Variants in SGCZ observed in about 807,000 individuals in gnomAD.
SGCZ encodes sarcoglycan zeta, also known as zeta-sarcoglycan.
A neutral mutation model predicts 41.3 loss-of-function variants in SGCZ; 40 were observed. That is an observed-to-expected ratio of 0.97 (90% CI 0.75 to 1.26). SGCZ has a LOEUF of 1.26. Ranked by LOEUF, SGCZ falls within the 50% of genes most tolerant of loss-of-function variation. SGCZ has a pLI of 0.00. For missense variants in SGCZ, 552 were observed against 369.8 expected (o/e 1.49, Z -4.04); for synonymous variants, 206 against 137.5 (o/e 1.50, Z -3.49).
chr8:15,048,200 C>T (rs1184438757), intron 1 of SGCZ, among the ~76,000 whole-genome samples: 1 of 151,998 alleles, frequency 6.6e-6, no homozygotes, highest in East Asian at 1.9e-4. Flanking sequence ...AACTGTAAGT[C>T]ATTATGTTAA....
intron 1 of SGCZ, among the ~76,000 whole-genome samples, chr8:15,164,452 G>T (rs540638891): frequency 2.0e-5 from 3 of 152,092 alleles, no homozygotes; most frequent in Non-Finnish European, 2.9e-5. Flanking sequence ...GCCACTGGCA[G>T]TCCCCGCCAC....
chr8:14,417,502 A>C (rs568913582), intron 2 of SGCZ, among the ~76,000 whole-genome samples: 9 of 151,902 alleles, frequency 5.9e-5, no homozygotes, highest in Non-Finnish European at 1.3e-4. Flanking sequence ...CAAATCTGGA[A>C]ATAAATACAT....
At chr8:14,832,747 C>T (rs1037843133) in intron 1 of SGCZ, among the ~76,000 whole-genome samples, 1 of 152,092 alleles carries the variant, frequency 6.6e-6, no homozygotes, top group South Asian at 2.1e-4. Context: ...GTGTGCTTTC[C>T]TATGAATATT....
At chr8:14,787,871 C>G (rs1166496212) in intron 1 of SGCZ, among the ~76,000 whole-genome samples, 1 of 152,014 alleles carries the variant, frequency 6.6e-6, no homozygotes, top group Non-Finnish European at 1.5e-5. Context: ...TATTCCTATT[C>G]TGTATAAGAG....
chr8:14,238,317 G>A (rs1221624468), intron 3 of SGCZ, among the ~76,000 whole-genome samples: 2 of 152,178 alleles, frequency 1.3e-5, no homozygotes, highest in Non-Finnish European at 2.9e-5. Flanking sequence ...TAAGCATGCT[G>A]CTGAAGGAAA....
intron 1 of SGCZ, among the ~76,000 whole-genome samples, chr8:14,790,956 G>A (rs1034611514): frequency 1.3e-5 from 2 of 151,402 alleles, no homozygotes; most frequent in African/African-American, 4.9e-5. Flanking sequence ...TCTTGAACAC[G>A]GGAGGCAAAG....
chr8:14,402,764 C>G (rs201388226), intron 2 of SGCZ, among the ~76,000 whole-genome samples: 6 of 146,406 alleles, frequency 4.1e-5, no homozygotes, highest in Non-Finnish European at 2.9e-5. Flanking sequence ...ATTGACTTGG[C>G]CATGCGGGCT....
chr8:14,325,887 C>T (rs980837992), intron 2 of SGCZ, among the ~76,000 whole-genome samples: 4 of 145,598 alleles, frequency 2.7e-5, no homozygotes, highest in Middle Eastern at 3.5e-3. Flanking sequence ...TAGAGGCGGG[C>T]GGATCACGAC....
Position 14,567,956 on chromosome 8 carries a change from A to G in SGCZ, c.40-13030T>C, listed in dbSNP as rs181415032. 1.4e-4 allele frequency among the ~76,000 whole-genome samples: 21 copies of G among 152,342 alleles called. 1 individual carries two copies. Among genetic ancestry groups the G allele is most frequent in the South Asian group, 4.1e-4 (2 of 4,826 alleles). ...TCTGGACATGCCGCTTTTAAGAACTATAACGCTCACCGCGAGGGTCCGCGG... is the reference window on the plus strand; with the variant it reads ...TCTGGACATGCCGCTTTTAAGAACTGTAACGCTCACCGCGAGGGTCCGCGG... On this transcript the variant is annotated intron_variant, in intron 1 of 7. Coordinates refer to ENST00000382080, the MANE Select transcript of SGCZ (RefSeq NM_139167.4).
At chr8:14,946,922 C>A (rs2130829249) in intron 1 of SGCZ, among the ~76,000 whole-genome samples, 1 of 152,218 alleles carries the variant, frequency 6.6e-6, no homozygotes, top group East Asian at 1.9e-4. Context: ...GATCCGCCCG[C>A]CTCGGCCTCC....
chr8:14,294,302 G>T (rs771060704), intron 3 of SGCZ, among the ~76,000 whole-genome samples: 1 of 151,646 alleles, frequency 6.6e-6, no homozygotes, highest in South Asian at 2.1e-4. Context: ...CATTCTCACC[G>T]ACACAACATT....
At chr8:14,807,460 T>C (rs1180159073) in intron 1 of SGCZ, among the ~76,000 whole-genome samples, 1 of 152,100 alleles carries the variant, frequency 6.6e-6, no homozygotes, top group Non-Finnish European at 1.5e-5. Context: ...AGCCAAATCA[T>C]GAGTGAACTC....
chr8:15,066,173 T>C (rs1420380881), intron 1 of SGCZ, among the ~76,000 whole-genome samples: 1 of 151,756 alleles, frequency 6.6e-6, no homozygotes, highest in East Asian at 1.9e-4. Context: ...CCGGGCGCGG[T>C]GGCGGGCGCC....
chr8:15,038,924 T>C (rs546903248), intron 1 of SGCZ, among the ~76,000 whole-genome samples: 2 of 151,660 alleles, frequency 1.3e-5, no homozygotes, highest in Admixed American at 6.6e-5. Context: ...ATTAAAACTA[T>C]AGTAAACTAC....
chr8:14,677,783 C>A (rs866704808), intron 1 of SGCZ, among the ~76,000 whole-genome samples: 10 of 151,752 alleles, frequency 6.6e-5, no homozygotes, highest in African/African-American at 1.9e-4. Context: ...TAAATAAATA[C>A]ATAAATAAAT....
chr8:14,199,724 A>G (rs530041076), intron 4 of SGCZ, among the ~76,000 whole-genome samples: 42 of 152,280 alleles, frequency 2.8e-4, no homozygotes, highest in South Asian at 8.3e-4. Context: ...CCTACGTGAA[A>G]TATCAGGAGT....
At chr8:14,815,614 T>C (rs1046050111) in intron 1 of SGCZ, among the ~76,000 whole-genome samples, 2 of 152,178 alleles carry the variant, frequency 1.3e-5, no homozygotes, top group Non-Finnish European at 2.9e-5. Context: ...ACACAGAGTA[T>C]GTATAGAAAT....
chr8:15,203,157 G>A (rs1451488433), intron 1 of SGCZ, among the ~76,000 whole-genome samples: 2 of 151,970 alleles, frequency 1.3e-5, no homozygotes, highest in African/African-American at 2.4e-5. Flanking sequence ...CTTACCCCAA[G>A]ACCCTCTATC....
At chr8:14,581,749 T>C (rs1804896644) in intron 1 of SGCZ, among the ~76,000 whole-genome samples, 1 of 152,160 alleles carries the variant, frequency 6.6e-6, no homozygotes, top group African/African-American at 2.4e-5. Context: ...TGAAAAAGGT[T>C]GAGGATAGTG....
Sources: gnomAD v4.1 joint callset for allele counts (sites outside exome capture counted in the v4.1 genomes callset) on GRCh38, gnomAD v4.1.1 for gene constraint, MANE v1.5 for transcripts, NCBI Gene and HGNC (gene_info 2026-07-23, HGNC 2026-07-21) for gene names.